Variants in SLC36A1 observed in about 807,000 individuals in gnomAD.
SLC36A1 encodes solute carrier family 36 member 1.
Under a neutral mutation model 47.5 loss-of-function variants are expected in SLC36A1, and 30 were observed. The observed-to-expected ratio is 0.63, with a 90% confidence interval of 0.47 to 0.86. The LOEUF (loss-of-function observed/expected upper bound fraction) is 0.86, where lower values mean the gene tolerates loss of function less well. Ranked by LOEUF, SLC36A1 falls within the 40% of genes least tolerant of loss-of-function variation. SLC36A1 has a pLI of 0.00. For synonymous variants in SLC36A1, 255 were observed against 249.7 expected (o/e 1.02, Z -0.20); for missense variants, 517 against 606.0 (o/e 0.85, Z 1.54).
chr5:151,379,631 G>A, the SLC36A1 span, among the ~76,000 whole-genome samples: 1 of 152,036 alleles, frequency 6.6e-6, no homozygotes, highest in Non-Finnish European at 1.5e-5. Context: ...CGTGCCCGGC[G>A]CTCTTCACTT....
chr5:151,537,342 AGAAAAG>A, the SLC36A1 span, among the ~76,000 whole-genome samples: 3 of 131,740 alleles, frequency 2.3e-5, no homozygotes, highest in East Asian at 8.3e-4. Flanking sequence ...AGAAAAGAAA[AGAAAAG>A]AAAAAAGAAG....
the SLC36A1 span, among the ~76,000 whole-genome samples, chr5:151,535,545 C>T: frequency 4.1e-5 from 6 of 146,494 alleles, no homozygotes; most frequent in South Asian, 2.2e-4. Context: ...CCTCATGCCT[C>T]GCCCTACACC....
chr5:151,355,634 G>A, the SLC36A1 span, among the ~76,000 whole-genome samples: 1 of 152,102 alleles, frequency 6.6e-6, no homozygotes, highest in East Asian at 1.9e-4. Flanking sequence ...GTGGAATATT[G>A]CCATGGCTGT....
chr5:151,444,507 T>C (rs1266746448), upstream of SLC36A1, among the ~76,000 whole-genome samples: 2 of 152,222 alleles, frequency 1.3e-5, no homozygotes, highest in African/African-American at 2.4e-5. Flanking sequence ...TAATTTTTTT[T>C]TGAGATGGAG....
the SLC36A1 span, among the ~76,000 whole-genome samples, chr5:151,400,081 G>A: frequency 6.6e-6 from 1 of 152,126 alleles, no homozygotes; most frequent in African/African-American, 2.4e-5. Context: ...ATGAGGCTGA[G>A]GTTTAGGGTA....
chr5:151,538,299 C>T, the SLC36A1 span, among the ~76,000 whole-genome samples: 1 of 152,238 alleles, frequency 6.6e-6, no homozygotes, highest in Non-Finnish European at 1.5e-5. Flanking sequence ...CCACCCAGTC[C>T]TTTGAGGCTT....
At chr5:151,529,277 G>A in the SLC36A1 span, 428 of 1,613,846 alleles carry the variant, frequency 2.7e-4, no homozygotes, top group Non-Finnish European at 3.5e-4. Flanking sequence ...CAGTGATGTT[G>A]ACCATGACTG....
At chr5:151,409,330 T>G in the SLC36A1 span, among the ~76,000 whole-genome samples, 1 of 152,138 alleles carries the variant, frequency 6.6e-6, no homozygotes, top group Non-Finnish European at 1.5e-5. Context: ...TTTTCATTGT[T>G]GCTCAGGCAG....
chr5:151,534,647 T>C, the SLC36A1 span: 2 of 1,601,624 alleles, frequency 1.2e-6, no homozygotes, highest in South Asian at 1.1e-5. Context: ...GCTCCCCTGG[T>C]CGGAGAAATG....
At chr5:151,357,850 T>C in the SLC36A1 span, among the ~76,000 whole-genome samples, 2 of 152,268 alleles carry the variant, frequency 1.3e-5, no homozygotes, top group Non-Finnish European at 2.9e-5. Flanking sequence ...GATTAAAACC[T>C]AAATCTTGTG....
chr5:151,357,122 G>A, the SLC36A1 span, among the ~76,000 whole-genome samples: 1 of 152,170 alleles, frequency 6.6e-6, no homozygotes. Context: ...ATGCCCATGT[G>A]TAGTGGTAGA....
the SLC36A1 span, chr5:151,544,931 T>C: frequency 2.5e-6 from 4 of 1,614,146 alleles, no homozygotes; most frequent in Non-Finnish European, 3.4e-6. Context: ...TTGGGGGGAT[T>C]GTCATTGACA....
At chr5:151,553,467 C>T in the SLC36A1 span, 3 of 1,253,914 alleles carry the variant, frequency 2.4e-6, no homozygotes, top group African/African-American at 1.5e-5. Flanking sequence ...GGAACCAGAG[C>T]GTCCTGTGAT....
chr5:151,389,199 T>G, the SLC36A1 span, among the ~76,000 whole-genome samples: 5 of 152,162 alleles, frequency 3.3e-5, no homozygotes, highest in African/African-American at 9.7e-5. Flanking sequence ...TTCCTGTGCC[T>G]GATGTTGTAA....
chr5:151,459,056 G>C, intron 2 of SLC36A1, 121 bp downstream of exon 2: 4 of 1,094,126 alleles, frequency 3.7e-6, no homozygotes, highest in Non-Finnish European at 5.1e-6. Flanking sequence ...CAGCAGTGAA[G>C]AGATTGGGCG....
chr5:151,388,020 G>A, the SLC36A1 span, among the ~76,000 whole-genome samples: 1 of 152,168 alleles, frequency 6.6e-6, no homozygotes, highest in Non-Finnish European at 1.5e-5. Flanking sequence ...TCTTGAAATA[G>A]CCCTGCAAAG....
chr5:151,353,192 A>G, the SLC36A1 span, among the ~76,000 whole-genome samples: 138 of 152,320 alleles, frequency 9.1e-4, 1 homozygote, highest in African/African-American at 3.2e-3. Context: ...ATATGTGTGT[A>G]TATATATAAT....
At chr5:151,431,625 A>G in the SLC36A1 span, among the ~76,000 whole-genome samples, 26 of 152,288 alleles carry the variant, frequency 1.7e-4, no homozygotes, top group East Asian at 4.4e-3. Context: ...GTGATAGTGA[A>G]TAAGTCTCAT....
chr5:151,458,389 A>C (rs944269983), intron 1 of SLC36A1, among the ~76,000 whole-genome samples: 1 of 149,222 alleles, frequency 6.7e-6, no homozygotes, highest in Non-Finnish European at 1.5e-5. Context: ...ACAAGGTCCA[A>C]GACATTATCT....
Sources: gnomAD v4.1 joint callset for allele counts (sites outside exome capture counted in the v4.1 genomes callset) on GRCh38, gnomAD v4.1.1 for gene constraint, MANE v1.5 for transcripts, NCBI Gene and HGNC (gene_info 2026-07-23, HGNC 2026-07-21) for gene names.